The following MAGI2 variants were observed in gnomAD, a reference collection of about 807,000 sequenced individuals.
The protein encoded by MAGI2 is membrane-associated guanylate kinase, WW and PDZ domain-containing protein 2.
Under a neutral mutation model 133.3 loss-of-function variants are expected in MAGI2, and 35 were observed. The observed-to-expected ratio is 0.26, with a 90% CI of 0.20 to 0.35. The LOEUF is 0.35. Among genes scored for constraint, MAGI2 ranks in the 10% least tolerant of loss-of-function variants. The pLI is 1.00. For synonymous variants in MAGI2, 729 were observed against 710.6 expected (o/e 1.03, Z -0.41); for missense variants, 1,636 against 1,863.4 (o/e 0.88, Z 2.25).
intron 6 of MAGI2, among the ~76,000 whole-genome samples, chr7:78,416,130 G>A (rs146951790): frequency 2.0e-5 from 3 of 152,252 alleles, no homozygotes; most frequent in Non-Finnish European, 4.4e-5. Flanking sequence ...CATCAAGGGA[G>A]TTGCTGACAA....
intron 2 of MAGI2, among the ~76,000 whole-genome samples, chr7:79,004,838 T>C (rs1584645351): frequency 6.6e-6 from 1 of 152,084 alleles, no homozygotes; most frequent in East Asian, 1.9e-4. Context: ...ATCCCAACAC[T>C]TCTGGAGGCC....
Position 78,146,265 on chromosome 7 carries a change from T to A in MAGI2, c.2846-11059A>T, listed in dbSNP as rs569078663. Among the ~76,000 whole-genome samples the A allele has an allele frequency of 1.8e-4, 28 of 152,096 alleles. 1 individual carries two copies. Among genetic ancestry groups the A allele is most frequent in the Non-Finnish European group, 3.2e-4 (22 of 68,002 alleles). ...CTGCCCTGCTGAGTTGTCACTTTTT[T>A]GTCTTTGAAATATCTTGACCACTCC... On this transcript the variant is annotated intron_variant, in intron 16 of 21. Coordinates refer to ENST00000354212, the MANE Select transcript of MAGI2 (RefSeq NM_012301.4).
At chr7:78,564,943 G>A (rs1349464731) in intron 3 of MAGI2, among the ~76,000 whole-genome samples, 1 of 151,382 alleles carries the variant, frequency 6.6e-6, no homozygotes, top group African/African-American at 2.4e-5. Flanking sequence ...ACAGGCACCC[G>A]CCACCACGCC....
chr7:79,214,397 CTCTCTCTCTCTA>C (rs1284773431), intron 1 of MAGI2, among the ~76,000 whole-genome samples: 140 of 82,660 alleles, frequency 1.7e-3, no homozygotes, highest in African/African-American at 2.5e-3. Flanking sequence ...CTCTCTCTCT[CTCTCTCTCTCTA>C]TATATATATA....
At chr7:79,305,324 G>A (rs1033317300) in intron 1 of MAGI2, among the ~76,000 whole-genome samples, 10 of 152,192 alleles carry the variant, frequency 6.6e-5, no homozygotes, top group African/African-American at 2.4e-4. Context: ...TTCATTGGAA[G>A]CTTTGATTTA....
intron 6 of MAGI2, among the ~76,000 whole-genome samples, chr7:78,371,708 C>T (rs1793936325): frequency 6.6e-6 from 1 of 152,002 alleles, no homozygotes; most frequent in African/African-American, 2.4e-5. Context: ...TGTTATCATG[C>T]AGTCCTCATC....
intron 15 of MAGI2, among the ~76,000 whole-genome samples, chr7:78,161,326 C>T (rs1246095991): frequency 6.6e-6 from 1 of 152,062 alleles, no homozygotes; most frequent in East Asian, 1.9e-4. Flanking sequence ...TAGGTATTGG[C>T]ACTCTGATGA....
intron 20 of MAGI2, among the ~76,000 whole-genome samples, chr7:78,125,322 A>G (rs935143289): frequency 6.6e-6 from 1 of 152,220 alleles, no homozygotes; most frequent in African/African-American, 2.4e-5. Context: ...ATATGGGGGA[A>G]AAAGCACAAA....
chr7:78,482,513 G>C (rs1027821770), intron 6 of MAGI2, among the ~76,000 whole-genome samples: 1 of 151,750 alleles, frequency 6.6e-6, no homozygotes, highest in African/African-American at 2.4e-5. Flanking sequence ...TCCTTCAATG[G>C]GTACCCTAAA....
At chr7:79,348,895 T>C (rs1841501923) in intron 1 of MAGI2, among the ~76,000 whole-genome samples, 2 of 151,958 alleles carry the variant, frequency 1.3e-5, no homozygotes, top group African/African-American at 4.8e-5. Flanking sequence ...AATTATGCAA[T>C]GCAGAGGAAG....
intron 3 of MAGI2, among the ~76,000 whole-genome samples, chr7:78,605,074 T>C (rs1476148795): frequency 6.6e-6 from 1 of 152,112 alleles, no homozygotes; most frequent in East Asian, 1.9e-4. Context: ...GGAAGAGAAA[T>C]AAGACTGGCT....
At chr7:78,649,423 T>A (rs1811304725) in intron 2 of MAGI2, among the ~76,000 whole-genome samples, 1 of 151,942 alleles carries the variant, frequency 6.6e-6, no homozygotes, top group Non-Finnish European at 1.5e-5. Context: ...TTTTGGAACA[T>A]CTACAATCAT....
At chr7:78,731,542 G>GA (rs969876759) in intron 2 of MAGI2, among the ~76,000 whole-genome samples, 5 of 152,144 alleles carry the variant, frequency 3.3e-5, no homozygotes, top group African/African-American at 1.2e-4. Context: ...CTAGCTGGTT[G>GA]AAGGAGTAAG....
intron 2 of MAGI2, among the ~76,000 whole-genome samples, chr7:78,932,184 CCACAATGCCT>C (rs1800184110): frequency 6.6e-6 from 1 of 152,104 alleles, no homozygotes; most frequent in Admixed American, 6.6e-5. Flanking sequence ...GTCAAGTTTC[CCACAATGCCT>C]CACATGTGGC....
intron 9 of MAGI2, among the ~76,000 whole-genome samples, chr7:78,282,714 A>G (rs531424481): frequency 6.6e-6 from 1 of 152,274 alleles, no homozygotes; most frequent in South Asian, 2.1e-4. Flanking sequence ...TATAATTCTG[A>G]AATAAAATGG....
chr7:79,326,573 A>G (rs976430670), intron 1 of MAGI2, among the ~76,000 whole-genome samples: 5 of 152,164 alleles, frequency 3.3e-5, no homozygotes, highest in African/African-American at 1.2e-4. Flanking sequence ...AAAAGCATAA[A>G]TTATGTTGTA....
intron 3 of MAGI2, among the ~76,000 whole-genome samples, chr7:78,576,614 TAG>T (rs1448058652): frequency 1.3e-5 from 2 of 150,384 alleles, no homozygotes; most frequent in African/African-American, 4.8e-5. Flanking sequence ...ATGTTACACA[TAG>T]ACACCAAGGA....
chr7:79,222,415 T>C (rs952009046), intron 1 of MAGI2, among the ~76,000 whole-genome samples: 16 of 152,064 alleles, frequency 1.1e-4, no homozygotes, highest in African/African-American at 2.9e-4. Flanking sequence ...TATTGAATCA[T>C]CTAGTTGGAT....
chr7:79,243,583 G>GA (rs1163481816), intron 1 of MAGI2, among the ~76,000 whole-genome samples: 4 of 152,122 alleles, frequency 2.6e-5, no homozygotes, highest in Non-Finnish European at 5.9e-5. Context: ...TAAAATGCTG[G>GA]AAAAAAGAAT....
Sources: allele counts gnomAD v4.1 joint callset (sites outside exome capture counted in the v4.1 genomes callset), GRCh38; gene constraint gnomAD v4.1.1; transcripts MANE v1.5; gene names NCBI Gene and HGNC (gene_info 2026-07-23, HGNC 2026-07-21).